Variants in MON2 observed in about 807,000 individuals in gnomAD.
MON2 encodes the protein MON2 regulator of endosome-to-Golgi trafficking.
MON2 carries 84 observed loss-of-function variants against 208.6 expected under a neutral mutation model. The ratio of observed to expected loss-of-function variants is 0.40; its 90% CI spans 0.34 to 0.48. The LOEUF (loss-of-function observed/expected upper bound fraction) is 0.48. Among genes scored for constraint, MON2 ranks in the 20% least tolerant of loss-of-function variants. MON2 has a pLI of 0.59. For missense variants in MON2, 1,611 were observed against 2,015.4 expected (o/e 0.80, Z 3.84); for synonymous variants, 660 against 694.0 (o/e 0.95, Z 0.77).
chr12:62,597,936 G>T lies in MON2; in HGVS notation c.*5187G>T, dbSNP rs529619554. On this transcript the variant is annotated 3_prime_UTR_variant, in exon 35 of 35. Coordinates refer to ENST00000393630, the MANE Select transcript of MON2 (RefSeq NM_015026.3). ...AGGGTTTTGGTTTTTTATGATTTTG[G>T]GGGGTGGGGGAGATATTTGTTTTTT... 1 of 152,134 alleles carries T rather than the reference G, an allele frequency of 6.6e-6. No individual in the cohort carries two copies. The highest frequency in any genetic ancestry group is 2.1e-4 in the South Asian group (1 of 4,810). 9.4% of individuals were successfully genotyped at this position (152,134 alleles called of 1,614,324 possible).
In MON2 at chr12:62,566,725, C is replaced by T. The variant is rs566609851; in HGVS notation, c.4323+275C>T. ...ACACAGGAAGGGGAGCATCACACAC[C>T]GGGGCCTGTTGTGGGGTGGGGGGAG... is the stretch of plus-strand genomic sequence containing the variant. On this transcript the variant is annotated intron_variant, in intron 29 of 34. Transcript: ENST00000393630. Among the ~76,000 whole-genome samples, 162 of 110,982 alleles carry T rather than the reference C, an allele frequency of 1.5e-3. 1 individual carries two copies. The highest frequency in any genetic ancestry group is 5.6e-3 in the African/African-American group (152 of 27,248). The allele number at this position is 110,982 out of a possible 152,430, so 72.8% of individuals were successfully genotyped here.
At chr12:62,493,343 T>C (rs2070285911) in intron 2 of MON2, among the ~76,000 whole-genome samples, 1 of 152,222 alleles carries the variant, frequency 6.6e-6, no homozygotes, top group Non-Finnish European at 1.5e-5. Flanking sequence ...AATTATAGCA[T>C]GTGTACCCAA....
chr12:62,497,491 A>G (rs2070580807), intron 4 of MON2, among the ~76,000 whole-genome samples: 1 of 152,204 alleles, frequency 6.6e-6, no homozygotes, highest in African/African-American at 2.4e-5. Context: ...TTCCATTAGA[A>G]TAGTTACGAT....
intron 2 of MON2, among the ~76,000 whole-genome samples, chr12:62,491,121 C>A (rs1244953747): frequency 6.6e-6 from 1 of 152,054 alleles, no homozygotes; most frequent in East Asian, 1.9e-4. Context: ...TTGTTGATAC[C>A]ACATACATTG....
At chr12:62,469,878 A>AT (rs1166736071) in intron 1 of MON2, among the ~76,000 whole-genome samples, 2 of 141,006 alleles carry the variant, frequency 1.4e-5, no homozygotes, top group Non-Finnish European at 3.0e-5. Flanking sequence ...GTGCTTGACT[A>AT]TTATTTTATT....
Position 62,508,496 on chromosome 12 carries a change from CT to C in MON2, c.984+18del. 2 of 1,607,618 alleles carry C rather than the reference CT, an allele frequency of 1.2e-6. No homozygotes were observed. The highest frequency in any genetic ancestry group is 3.3e-5 in the Admixed American group (2 of 59,996). Reference sequence around the variant, plus strand: ...CAGTCTTTTGGTAAGTGCTAATTTCCTTATGTATTTGTGTATATAGTTGCAT... The same window carrying C: ...CAGTCTTTTGGTAAGTGCTAATTTCCTATGTATTTGTGTATATAGTTGCAT... On this transcript the variant is annotated intron_variant, in intron 8 of 34. Coordinates refer to ENST00000393630, the MANE Select transcript of MON2 (RefSeq NM_015026.3).
intron 29 of MON2, among the ~76,000 whole-genome samples, chr12:62,569,697 C>A (rs895512511): frequency 6.6e-6 from 1 of 152,146 alleles, no homozygotes; most frequent in African/African-American, 2.4e-5. Flanking sequence ...TGATTGGATT[C>A]ATTGGCTTAA....
At chr12:62,580,252 C>T (rs375697936) in intron 31 of MON2, 45 bp from the exon 32 acceptor site, 56 of 1,571,364 alleles carry the variant, frequency 3.6e-5, no homozygotes, top group Non-Finnish European at 4.7e-5. Context: ...ATTTTAGTCT[C>T]TTTCAAAGAA....
chr12:62,495,563 G>T (rs1480956007), intron 4 of MON2, among the ~76,000 whole-genome samples: 1 of 151,572 alleles, frequency 6.6e-6, no homozygotes, highest in Non-Finnish European at 1.5e-5. Flanking sequence ...AGTGGCGGGC[G>T]CCTGTAGTCC....
At chr12:62,498,883 A>G (rs368222527) in intron 4 of MON2, 36 bp from the exon 5 acceptor site, 8 of 1,557,540 alleles carry the variant, frequency 5.1e-6, no homozygotes, top group East Asian at 2.3e-5. Flanking sequence ...TTGCTTTTCA[A>G]TCTTATTTCA....
At chr12:62,576,464 AAT>A (rs2074789818) in intron 30 of MON2, among the ~76,000 whole-genome samples, 1 of 152,030 alleles carries the variant, frequency 6.6e-6, no homozygotes, top group Non-Finnish European at 1.5e-5. Flanking sequence ...TGAATTTTAT[AAT>A]ATATAGATTA....
In MON2 at chr12:62,466,950, T is replaced by C; in HGVS notation, c.-258T>C. 2 of 507,086 alleles carry C rather than the reference T, an allele frequency of 3.9e-6. No individual in the cohort carries two copies. Among genetic ancestry groups the C allele is most frequent in the South Asian group, 2.9e-5 (1 of 35,032 alleles). 31.4% of individuals were successfully genotyped at this position (507,086 alleles called of 1,614,324 possible). ...CGGCAGCGGAGGGACCTGCCCGCCT[T>C]GTGGGTTTCTCGGCCAGAGTCGGCG... On this transcript the variant is annotated 5_prime_UTR_variant, in exon 1 of 35. Coordinates refer to ENST00000393630, the MANE Select transcript of MON2 (RefSeq NM_015026.3).
Position 62,597,323 on chromosome 12 carries a change from T to C in MON2, c.*4574T>C, listed in dbSNP as rs2075546753. 1 of 152,222 alleles carries C rather than the reference T, an allele frequency of 6.6e-6. No individual in the cohort carries two copies. Among genetic ancestry groups the C allele is most frequent in the Admixed American group, 6.5e-5 (1 of 15,282 alleles). The allele number at this position is 152,222 out of a possible 1,614,324, so 9.4% of individuals were successfully genotyped here. On this transcript the variant is annotated 3_prime_UTR_variant, in exon 35 of 35. Coordinates refer to ENST00000393630, the MANE Select transcript of MON2 (RefSeq NM_015026.3). ...TTCTCTTTTAATTCCTCTTTCATTC[T>C]CTGCCTCTTCTCTTTCAGCTCTTTC...
At chr12:62,545,983 A>G (rs1174981931) in intron 21 of MON2, among the ~76,000 whole-genome samples, 1 of 152,174 alleles carries the variant, frequency 6.6e-6, no homozygotes, top group Non-Finnish European at 1.5e-5. Context: ...CAGTGAATGA[A>G]CCAAATAAAT....
At chr12:62,516,334 T>C (rs2071687642) in intron 8 of MON2, among the ~76,000 whole-genome samples, 1 of 151,890 alleles carries the variant, frequency 6.6e-6, no homozygotes, top group African/African-American at 2.4e-5. Context: ...TACAAAAATA[T>C]GGGTAGATAG....
chr12:62,554,044 C>G, intron 24 of MON2, among the ~76,000 whole-genome samples: 1 of 152,184 alleles, frequency 6.6e-6, no homozygotes, highest in Admixed American at 6.6e-5. Flanking sequence ...CTCTTTCCTT[C>G]TGTCTTGTAT....
At chr12:62,514,927 A>G (rs558717436) in intron 8 of MON2, among the ~76,000 whole-genome samples, 24 of 152,356 alleles carry the variant, frequency 1.6e-4, no homozygotes, top group African/African-American at 4.8e-4. Context: ...CAAAACTGTA[A>G]TGAGGCTTAT....
chr12:62,588,077 A>G lies in MON2; in HGVS notation c.4911A>G (p.Gln1637=), dbSNP rs1326298152. ...TGATTTCCTATCTCTTTTTCAGGCAACAAGTAACAGAAATTATATTTGTTT... is the reference window on the plus strand; with the variant it reads ...TGATTTCCTATCTCTTTTTCAGGCAGCAAGTAACAGAAATTATATTTGTTT... ...RLSGKCPLPR[Q]QVTEIIFVLK... is the part of the protein sequence containing the mutation. Residue 1637 remains glutamine, a synonymous_variant, in exon 34 of 35, where the codon CAA becomes CAG. Coordinates refer to ENST00000393630, the MANE Select transcript of MON2 (RefSeq NM_015026.3). 1 of 1,553,214 alleles carries G rather than the reference A, an allele frequency of 6.4e-7. No individual in the cohort carries two copies. Among genetic ancestry groups the G allele is most frequent in the Non-Finnish European group, 8.9e-7 (1 of 1,127,792 alleles).
intron 4 of MON2, among the ~76,000 whole-genome samples, chr12:62,497,148 G>A (rs2070546671): frequency 1.5e-5 from 2 of 131,126 alleles, no homozygotes; most frequent in South Asian, 5.6e-4. Context: ...CACACTCTGG[G>A]GCCTGTTGTG....
Sources: gnomAD v4.1 joint callset for allele counts (sites outside exome capture counted in the v4.1 genomes callset) on GRCh38, gnomAD v4.1.1 for gene constraint, MANE v1.5 for transcripts, NCBI Gene and HGNC (gene_info 2026-07-23, HGNC 2026-07-21) for gene names.